SNTG2: variants seen among roughly 807,000 people sequenced by gnomAD.
The protein encoded by SNTG2 is syntrophin gamma 2.
Under a neutral mutation model 70.9 loss-of-function variants are expected in SNTG2, and 74 were observed. That is an observed-to-expected ratio of 1.04 (90% CI 0.86 to 1.27). The LOEUF is 1.27. Among genes scored for constraint, SNTG2 ranks in the 50% most tolerant of loss-of-function variants. SNTG2 has a pLI of 0.00. For missense variants in SNTG2, 717 were observed against 690.7 expected, an observed-to-expected ratio of 1.04 and a Z score of -0.43; for synonymous variants, 278 against 273.8, an observed-to-expected ratio of 1.02 and a Z score of -0.15.
At chr2:1,163,624 G>A (rs1670494198) in intron 6 of SNTG2, 1 of 152,386 alleles carries the variant, frequency 6.6e-6, no homozygotes, top group African/African-American at 2.4e-5. Flanking sequence ...AGTGGATGAG[G>A]AGGAGAGGGA....
At chr2:999,283 C>T (rs969504538) in intron 1 of SNTG2, among the ~76,000 whole-genome samples, 1 of 152,106 alleles carries the variant, frequency 6.6e-6, no homozygotes, top group African/African-American at 2.4e-5. Flanking sequence ...CAACACCTCA[C>T]ATATCAATAT....
chr2:1,299,923 G>A (rs900653814), intron 14 of SNTG2, among the ~76,000 whole-genome samples: 4 of 152,154 alleles, frequency 2.6e-5, no homozygotes, highest in South Asian at 2.1e-4. Context: ...CTTAAATGAC[G>A]GCACTGTGAC....
At chr2:1,222,399 G>C (rs946849406) in intron 9 of SNTG2, among the ~76,000 whole-genome samples, 4 of 152,270 alleles carry the variant, frequency 2.6e-5, no homozygotes, top group Non-Finnish European at 4.4e-5. Flanking sequence ...TCCTTTGTGT[G>C]TGGAGATTTC....
In SNTG2 at chr2:1,129,615, G is replaced by A. The variant is rs552772457; in HGVS notation, c.326-8007G>A. Among the ~76,000 whole-genome samples, 154 of 152,274 alleles carry A rather than the reference G, an allele frequency of 1.0e-3. 2 individuals carry two copies. The South Asian group carries it at 0.019, about 19-fold the overall frequency. On this transcript the variant is annotated intron_variant, in intron 4 of 16. Coordinates refer to ENST00000308624, the MANE Select transcript of SNTG2 (RefSeq NM_018968.4). ...TATGTATTATTTGTCATTCTAAGTAGTCCTTAATGTTCCATGTTTTAAATT... is the reference window on the plus strand; with the variant it reads ...TATGTATTATTTGTCATTCTAAGTAATCCTTAATGTTCCATGTTTTAAATT...
In SNTG2 at chr2:1,221,829, CTG is replaced by C. The variant is rs1479793469; in HGVS notation, c.719+12601_719+12602del. 8.6e-5 allele frequency among the ~76,000 whole-genome samples: 2 copies of C among 23,122 alleles called. 1 individual carries two copies. Among genetic ancestry groups the C allele is most frequent in the Non-Finnish European group, 1.4e-4 (2 of 14,040 alleles). 15.2% of individuals were successfully genotyped at this position (23,122 alleles called of 152,430 possible). A position where few individuals can be genotyped will look rare whatever the true frequency, so the allele number is the denominator to read the frequency against. ...TCTCTCTCTCGGTCTCTGTCTCTCT[CTG>C]TCTCTCTCTGTCTCTGTCTCTGTCT... On this transcript the variant is annotated intron_variant, in intron 9 of 16. Transcript: ENST00000308624.
chr2:1,347,978 T>C (rs1000412190), intron 16 of SNTG2, among the ~76,000 whole-genome samples: 7 of 152,210 alleles, frequency 4.6e-5, no homozygotes, highest in African/African-American at 1.4e-4. Context: ...GCCTCTTTTT[T>C]TTTTTTAAGG....
intron 7 of SNTG2, among the ~76,000 whole-genome samples, chr2:1,168,835 GC>G (rs1245812498): frequency 6.6e-6 from 1 of 152,204 alleles, no homozygotes; most frequent in African/African-American, 2.4e-5. Flanking sequence ...AGTAAGGGGT[GC>G]TGAGGGGCTG....
At chr2:1,257,831 C>T (rs1000182704) in intron 12 of SNTG2, among the ~76,000 whole-genome samples, 3 of 152,168 alleles carry the variant, frequency 2.0e-5, no homozygotes, top group South Asian at 4.1e-4. Flanking sequence ...CATTTAATGA[C>T]ATGGGAAAAT....
rs1462155124 is a variant in SNTG2, at chr2:1,272,591, GCAGGTGTAGAAAGGACACCCCAGGGAA to G, written c.1284+5048_1284+5074del. Among the ~76,000 whole-genome samples, 273 of 147,058 alleles carry G rather than the reference GCAGGTGTAGAAAGGACACCCCAGGGAA, an allele frequency of 1.9e-3. 6 individuals carry two copies. The East Asian group carries it at 0.049, about 26-fold the overall frequency. On this transcript the variant is annotated intron_variant, in intron 14 of 16. Transcript: ENST00000308624. The stretch of plus-strand genomic sequence containing the variant: ...AGGTGTAGAAAGGATATCCCAGGGA[GCAGGTGTAGAAAGGACACCCCAGGGAA>G]CAGGTGTAGAAAGGACACCCCAGGG...
intron 6 of SNTG2, among the ~76,000 whole-genome samples, chr2:1,148,966 T>A (rs66697220): frequency 6.6e-6 from 1 of 151,984 alleles, no homozygotes; most frequent in Non-Finnish European, 1.5e-5. Context: ...GATGCTTCTG[T>A]GCATCGCCCC....
Position 1,100,309 on chromosome 2 carries a change from G to A in SNTG2, c.325+1899G>A, listed in dbSNP as rs975430281. 2.6e-5 allele frequency among the ~76,000 whole-genome samples: 4 copies of A among 152,106 alleles called. No homozygotes were observed. In the East Asian group the frequency reaches 5.8e-4, roughly 22 times the overall value. On this transcript the variant is annotated intron_variant, in intron 4 of 16. Coordinates refer to ENST00000308624, the MANE Select transcript of SNTG2 (RefSeq NM_018968.4). ...AGCCTCCCGAGTGGCTGGGACTACA[G>A]GTGCCCGCCACCACGCCTGGCTAAT...
At chr2:978,650 G>T (rs1660992649) in intron 1 of SNTG2, among the ~76,000 whole-genome samples, 1 of 151,980 alleles carries the variant, frequency 6.6e-6, no homozygotes, top group African/African-American at 2.4e-5. Context: ...TGCTAACCGG[G>T]GCTGAAAGCT....
In SNTG2 at chr2:1,291,184, G is replaced by A. The variant is rs1024414773; in HGVS notation, c.1285-17310G>A. On this transcript the variant is annotated intron_variant, in intron 14 of 16. Coordinates refer to ENST00000308624, the MANE Select transcript of SNTG2 (RefSeq NM_018968.4). Reference sequence around the variant, plus strand: ...TAATGTCTATTCAGGTCTTTTGCCCGTCTTTTAATTGGGTTGTTTGCTTGT... The same window carrying A: ...TAATGTCTATTCAGGTCTTTTGCCCATCTTTTAATTGGGTTGTTTGCTTGT... Among the ~76,000 whole-genome samples the A allele has an allele frequency of 6.6e-5, 10 of 152,086 alleles. No individual in the cohort carries two copies. The East Asian group carries it at 7.7e-4, about 12-fold the overall frequency.
intron 2 of SNTG2, among the ~76,000 whole-genome samples, chr2:1,087,383 C>T (rs1259179626): frequency 2.6e-5 from 4 of 152,190 alleles, no homozygotes; most frequent in Non-Finnish European, 4.4e-5. Flanking sequence ...GTAGACTTAA[C>T]TATCAGAATT....
chr2:1,259,566 G>C, intron 13 of SNTG2, 125 bp downstream of exon 13: 1 of 778,288 alleles, frequency 1.3e-6, no homozygotes, highest in Non-Finnish European at 2.1e-6. Context: ...GTAAAATAAT[G>C]TGACGATCTG....
intron 8 of SNTG2, among the ~76,000 whole-genome samples, chr2:1,189,651 C>A (rs992105039): frequency 1.8e-4 from 27 of 151,964 alleles, no homozygotes; most frequent in African/African-American, 6.5e-4. Flanking sequence ...CTCTGCCTCC[C>A]GGGTTCAAGT....
In SNTG2 at chr2:1,143,759, G is replaced by T. The variant is rs1034314909; in HGVS notation, c.411+5950G>T. ...ATGGTGGCGGATGCCTGTAATCCCA[G>T]CTACTTGGGAGGCTGAGGCAGGAGA... is the stretch of plus-strand genomic sequence containing the variant. On this transcript the variant is annotated intron_variant, in intron 6 of 16. Coordinates refer to ENST00000308624, the MANE Select transcript of SNTG2 (RefSeq NM_018968.4). 5.1e-5 allele frequency among the ~76,000 whole-genome samples: 5 copies of T among 98,606 alleles called. No individual in the cohort carries two copies. In the South Asian group the frequency reaches 1.4e-3, roughly 28 times the overall value. 64.7% of individuals were successfully genotyped at this position (98,606 alleles called of 152,430 possible). A position where few individuals can be genotyped will look rare whatever the true frequency, so the allele number is the denominator to read the frequency against.
At chr2:1,146,014 A>G in intron 6 of SNTG2, among the ~76,000 whole-genome samples, 1 of 152,200 alleles carries the variant, frequency 6.6e-6, no homozygotes, top group East Asian at 1.9e-4. Flanking sequence ...TTTATGATAT[A>G]AACTCTCAGT....
intron 4 of SNTG2, among the ~76,000 whole-genome samples, chr2:1,105,031 G>C (rs934329231): frequency 1.3e-5 from 2 of 152,180 alleles, no homozygotes; most frequent in Non-Finnish European, 2.9e-5. Flanking sequence ...CCACCCACTG[G>C]AACCGGACCC....
Sources: allele counts gnomAD v4.1 joint callset (sites outside exome capture counted in the v4.1 genomes callset), GRCh38; gene constraint gnomAD v4.1.1; transcripts MANE v1.5; gene names NCBI Gene and HGNC (gene_info 2026-07-23, HGNC 2026-07-21).